The following SPDYE18 variants were observed in gnomAD, a reference collection of about 807,000 sequenced individuals.
SPDYE18 encodes the protein speedy protein E18.
A neutral mutation model predicts 44.9 loss-of-function variants in SPDYE18; 6 were observed. The ratio of observed to expected loss-of-function variants is 0.13; its 90% CI spans 0.07 to 0.26. SPDYE18 has a LOEUF of 0.26. Among genes scored for constraint, SPDYE18 ranks in the 10% least tolerant of loss-of-function variants. SPDYE18 has a pLI of 1.00. For missense variants in SPDYE18, 121 were observed against 463.2 expected, an observed-to-expected ratio of 0.26 and a Z score of 6.78; for synonymous variants, 35 against 177.1, an observed-to-expected ratio of 0.20 and a Z score of 6.37.
At chr7:77,052,405 C>G (rs1466332973) in intron 8 of SPDYE18, among the ~76,000 whole-genome samples, 2 of 152,052 alleles carry the variant, frequency 1.3e-5, no homozygotes, top group African/African-American at 2.4e-5. Context: ...AACTCAAGTG[C>G]GTCAATCATA....
In SPDYE18 at chr7:77,060,418, A is replaced by G. The variant is rs1351273060; in HGVS notation, c.95T>C (p.Leu32Pro). The stretch of plus-strand genomic sequence containing the variant: ...GGGGTACCCCGAGGTGCTCCGCTGG[A>G]GACTCTGCTCATTCTGGGGGTGCGG... ...RQPHPQNEQS[L>P]QRSTSGYPLQ... Residue 32 changes from leucine (L) to proline (P), a missense_variant, in exon 2 of 9, where the codon CTC becomes CCC. By Grantham distance (98) the Leu-to-Pro change is moderately conservative (BLOSUM62 -3). Transcript: ENST00000510091. The G allele has an allele frequency of 3.3e-5, 51 of 1,535,350 alleles. No individual in the cohort carries two copies. The African/African-American group carries it at 5.2e-4, about 16-fold the overall frequency.
chr7:77,060,363 C>G lies in SPDYE18; in HGVS notation c.150G>C (p.Leu50Phe). The change falls in exon 2 of 9, where the codon TTG (leucine) becomes TTC (phenylalanine). Residue 50 changes from leucine (L) to phenylalanine (F), a missense_variant. By Grantham distance (22) the Leu-to-Phe change is conservative. Transcript: ENST00000510091. ...CACCAGTCCCCTCACCTGATGGTCCCAACACTTCATCATCCACCACCTCCT... is the reference window on the plus strand; with the variant it reads ...CACCAGTCCCCTCACCTGATGGTCCGAACACTTCATCATCCACCACCTCCT... ...PLQEVVDDEV[L>F]GPSAPGVDPS... 6.5e-7 allele frequency: 1 copy of G among 1,535,456 alleles called. No individual in the cohort carries two copies. The highest frequency in any genetic ancestry group is 1.2e-5 in the South Asian group (1 of 83,960).
chr7:77,054,414 T>C (rs1411336496), intron 6 of SPDYE18, among the ~76,000 whole-genome samples: 1 of 148,448 alleles, frequency 6.7e-6, no homozygotes, highest in South Asian at 2.2e-4. Flanking sequence ...AAGGAAGTTG[T>C]TCAGGTGGGC....
chr7:77,051,110 A>G lies in SPDYE18; in HGVS notation c.*815T>C, dbSNP rs1476740213. Among the ~76,000 whole-genome samples the G allele has an allele frequency of 6.6e-6, 1 of 151,986 alleles. No homozygotes were observed. The highest frequency in any genetic ancestry group is 1.5e-5 in the Non-Finnish European group (1 of 67,926). On this transcript the variant is annotated 3_prime_UTR_variant, in exon 9 of 9. Coordinates refer to ENST00000510091, the MANE Select transcript of SPDYE18 (RefSeq NM_001394953.1). ...AATAAAAATTTCTATCACCAGAATT[A>G]TGTTTTTTTCTGGTGGGGAACTACC... is the stretch of plus-strand genomic sequence containing the variant.
At chr7:77,053,673 C>A (rs9649188) in intron 6 of SPDYE18, among the ~76,000 whole-genome samples, 21,525 of 149,986 alleles carry the variant, frequency 0.14, 416 homozygotes, top group East Asian at 0.29. Flanking sequence ...AACCCCATCT[C>A]TACTAAAAAT....
chr7:77,054,043 G>C (rs1166942143), intron 6 of SPDYE18, among the ~76,000 whole-genome samples: 2 of 152,074 alleles, frequency 1.3e-5, no homozygotes, highest in Non-Finnish European at 2.9e-5. Flanking sequence ...TTGATATTTT[G>C]CCAGGACCCT....
In SPDYE18 at chr7:77,051,604, A is replaced by G. The variant is rs1384574538; in HGVS notation, c.*321T>C. 1.3e-5 allele frequency among the ~76,000 whole-genome samples: 2 copies of G among 152,264 alleles called. No homozygotes were observed. The highest frequency in any genetic ancestry group is 6.5e-5 in the Admixed American group (1 of 15,292). ...GGCCCAGGGAGGTTGGAATTCAGCA[A>G]TATAGAAAGGGTGGTGGTGCCGCAG... On this transcript the variant is annotated 3_prime_UTR_variant, in exon 9 of 9. Coordinates refer to ENST00000510091, the MANE Select transcript of SPDYE18 (RefSeq NM_001394953.1).
intron 1 of SPDYE18, among the ~76,000 whole-genome samples, chr7:77,062,110 A>G (rs1790028913): frequency 7.6e-6 from 1 of 132,388 alleles, no homozygotes; most frequent in African/African-American, 3.2e-5. Flanking sequence ...CCTGGGCAAC[A>G]AGAGCAAAAC....
At position 77,050,898 on chromosome 7, in the gene SPDYE18, TAAA is replaced by T. The variant is rs1488960546; in HGVS notation, c.*1024_*1026del. ...TAATATTTAAAGTAATAATAATATT[TAAA>T]TAAATAAATATATTTAATAAATATT... On this transcript the variant is annotated 3_prime_UTR_variant, in exon 9 of 9. Transcript: ENST00000510091. Among the ~76,000 whole-genome samples the T allele has an allele frequency of 4.7e-5, 7 of 148,618 alleles. No homozygotes were observed. The highest frequency in any genetic ancestry group is 1.0e-4 in the Non-Finnish European group (7 of 67,228).
At position 77,051,297 on chromosome 7, in the gene SPDYE18, A is replaced by G. The variant is rs1263900044; in HGVS notation, c.*628T>C. On this transcript the variant is annotated 3_prime_UTR_variant, in exon 9 of 9. Transcript: ENST00000510091. The stretch of plus-strand genomic sequence containing the variant: ...AATGAAAAGAAAATTATCTTTATGT[A>G]TATATAACAACTATAACTCTCATCA... Among the ~76,000 whole-genome samples the G allele has an allele frequency of 5.9e-5, 9 of 152,268 alleles. No homozygotes were observed. Among genetic ancestry groups the G allele is most frequent in the Non-Finnish European group, 1.0e-4 (7 of 68,046 alleles).
At chr7:77,054,893 A>C (rs71223773) in intron 6 of SPDYE18, among the ~76,000 whole-genome samples, 14 of 143,268 alleles carry the variant, frequency 9.8e-5, no homozygotes, top group Non-Finnish European at 1.9e-4. Context: ...TCAGCCTCCC[A>C]AGTAGCTGGG....
chr7:77,060,216 T>C, intron 2 of SPDYE18, 137 bp downstream of exon 2: 1 of 1,452,306 alleles, frequency 6.9e-7, no homozygotes, highest in Non-Finnish European at 9.1e-7. Flanking sequence ...AGGCTGGCCT[T>C]GAACTCCTGA....
chr7:77,052,469 C>G (rs1156538227), intron 8 of SPDYE18, among the ~76,000 whole-genome samples: 1 of 152,210 alleles, frequency 6.6e-6, no homozygotes, highest in East Asian at 2.0e-4. Flanking sequence ...GGGTCTCACT[C>G]TGTCGCCCAG....
chr7:77,057,150 G>T (rs1398574642), intron 4 of SPDYE18, among the ~76,000 whole-genome samples: 4 of 152,280 alleles, frequency 2.6e-5, no homozygotes, highest in Non-Finnish European at 4.4e-5. Flanking sequence ...GAATGCAGTG[G>T]CCTGATCTTG....
At chr7:77,052,510 G>C (rs3960437) in intron 8 of SPDYE18, among the ~76,000 whole-genome samples, 3 of 150,766 alleles carry the variant, frequency 2.0e-5, no homozygotes, top group Non-Finnish European at 3.0e-5. Context: ...TCAGGGCTCC[G>C]TGCAGCCCTG....
chr7:77,051,222 C>A lies in SPDYE18; in HGVS notation c.*703G>T, dbSNP rs3972517. Among the ~76,000 whole-genome samples the A allele has an allele frequency of 3.9e-3, 593 of 151,342 alleles. 3 individuals carry two copies. The highest frequency in any genetic ancestry group is 3.3e-3 in the Non-Finnish European group (225 of 67,772). On this transcript the variant is annotated 3_prime_UTR_variant, in exon 9 of 9. Transcript: ENST00000510091. The stretch of plus-strand genomic sequence containing the variant: ...AGGAGCACATATAATAATACAGAAA[C>A]AAATTTAAAGATAATAAAATATTTA...
chr7:77,060,023 C>CT (rs1562794773), intron 2 of SPDYE18, among the ~76,000 whole-genome samples: 1 of 98,958 alleles, frequency 1.0e-5, no homozygotes, highest in Non-Finnish European at 2.2e-5. Flanking sequence ...TTTCTTTTTT[C>CT]TTTTCTTTTT....
chr7:77,057,037 T>G (rs1403760805), intron 4 of SPDYE18, among the ~76,000 whole-genome samples: 1 of 150,936 alleles, frequency 6.6e-6, no homozygotes, highest in Non-Finnish European at 1.5e-5. Flanking sequence ...AGGGCACAGC[T>G]GAAACCACTT....
chr7:77,051,469 A>G lies in SPDYE18; in HGVS notation c.*456T>C, dbSNP rs1326149429. Among the ~76,000 whole-genome samples, 7 of 152,280 alleles carry G rather than the reference A, an allele frequency of 4.6e-5. No homozygotes were observed. The highest frequency in any genetic ancestry group is 8.8e-5 in the Non-Finnish European group (6 of 68,038). On this transcript the variant is annotated 3_prime_UTR_variant, in exon 9 of 9. Transcript: ENST00000510091. ...GAAGCTATCTGTTACAATCTGTGGC[A>G]CTGATATTTCACAAAAGAATTCTGT...
Sources: allele counts gnomAD v4.1 joint callset (sites outside exome capture counted in the v4.1 genomes callset), GRCh38; gene constraint gnomAD v4.1.1; transcripts MANE v1.5; gene names NCBI Gene and HGNC (gene_info 2026-07-23, HGNC 2026-07-21).